The following RUFY1 variants were observed in gnomAD, a reference collection of about 807,000 sequenced individuals.
RUFY1 encodes the protein RUN and FYVE domain containing 1, also known as RUN and FYVE domain-containing protein 1.
RUFY1 carries 54 observed loss-of-function variants against 94.6 expected under a neutral mutation model. The observed-to-expected ratio is 0.57, with a 90% CI of 0.46 to 0.72. The LOEUF (loss-of-function observed/expected upper bound fraction) is 0.72, where lower values mean the gene tolerates loss of function less well. Among genes scored for constraint, RUFY1 ranks in the 30% least tolerant of loss-of-function variants. RUFY1 has a pLI of 0.00. For missense variants in RUFY1, 883 were observed against 883.9 expected (o/e 1.00, Z 0.01); for synonymous variants, 396 against 347.3 (o/e 1.14, Z -1.56).
In RUFY1 at chr5:179,598,838, C is replaced by G; in HGVS notation, c.1761+17C>G. 1.2e-6 allele frequency: 2 copies of G among 1,613,822 alleles called. No individual in the cohort carries two copies. Among genetic ancestry groups the G allele is most frequent in the Non-Finnish European group, 1.7e-6 (2 of 1,179,846 alleles). On this transcript the variant is annotated intron_variant, in intron 14 of 17. Transcript: ENST00000319449. ...CTGAAAAAGGTGAGGTGGGCCATCCCGGGAGAGGAGAGCCTCTGGCAGCCT... is the reference window on the plus strand; with the variant it reads ...CTGAAAAAGGTGAGGTGGGCCATCCGGGGAGAGGAGAGCCTCTGGCAGCCT...
chr5:179,593,761 C>T, intron 11 of RUFY1, 116 bp downstream of exon 11: 1 of 1,437,950 alleles, frequency 7.0e-7, no homozygotes, highest in South Asian at 1.5e-5. Context: ...ATGTGTCAGA[C>T]CTGCTCCTAG....
In RUFY1 at chr5:179,605,907, G is replaced by C; in HGVS notation, c.1888G>C (p.Val630Leu). The change falls in exon 16 of 18, where the codon GTG becomes CTG. Residue 630 changes from valine (V) to leucine (L), a missense_variant. Physicochemically the swap from Val to Leu is conservative, Grantham distance 32. Transcript: ENST00000319449. ...GCTGAAGATGGAAGATATAAAAGAAGTGAACCAGGCACTGAAGGTACTGCC... is the reference window on the plus strand; with the variant it reads ...GCTGAAGATGGAAGATATAAAAGAACTGAACCAGGCACTGAAGGTACTGCC... ...SKLKMEDIKEVNQALKGHAWL... is the reference protein window; with the variant it reads ...SKLKMEDIKELNQALKGHAWL... 1 of 1,609,424 alleles carries C rather than the reference G, an allele frequency of 6.2e-7. No homozygotes were observed. The highest frequency in any genetic ancestry group is 1.3e-5 in the African/African-American group (1 of 74,728).
At chr5:179,572,118 G>A in intron 5 of RUFY1, 1 of 196,212 alleles carries the variant, frequency 5.1e-6, no homozygotes, top group Non-Finnish European at 1.1e-5. Context: ...GCGTCTGGTT[G>A]TCAGTCTGTC....
At chr5:179,553,184 G>A (rs528461817) in intron 1 of RUFY1, among the ~76,000 whole-genome samples, 13 of 152,320 alleles carry the variant, frequency 8.5e-5, no homozygotes, top group South Asian at 2.1e-4. Context: ...CCCAGGCAGC[G>A]TTGGGATTGC....
In RUFY1 at chr5:179,589,543, C is replaced by T; in HGVS notation, c.1027-3C>T. On this transcript the variant is annotated splice_polypyrimidine_tract_variant and splice_region_variant and intron_variant, in intron 8 of 17. Transcript: ENST00000319449. ...AAGAACTGTAAAAATTTTCCTTAAT[C>T]AGCTTTCAGCTGCAACAGACCGAAT... is the stretch of plus-strand genomic sequence containing the variant. 1 of 1,609,968 alleles carries T rather than the reference C, an allele frequency of 6.2e-7. No homozygotes were observed. The highest frequency in any genetic ancestry group is 8.5e-7 in the Non-Finnish European group (1 of 1,176,642).
At chr5:179,568,196 G>C (rs1300436151) in intron 4 of RUFY1, among the ~76,000 whole-genome samples, 1 of 151,946 alleles carries the variant, frequency 6.6e-6, no homozygotes, top group Non-Finnish European at 1.5e-5. Context: ...AGTGAGCCAA[G>C]ATCACACCAC....
chr5:179,598,081 T>G (rs769531360), intron 13 of RUFY1, among the ~76,000 whole-genome samples: 4 of 152,120 alleles, frequency 2.6e-5, no homozygotes, highest in Non-Finnish European at 5.9e-5. Context: ...TCCCAGCTAC[T>G]AGGGAGGCTG....
At chr5:179,569,560 C>G in intron 5 of RUFY1, 135 bp downstream of exon 5, 1 of 861,656 alleles carries the variant, frequency 1.2e-6, no homozygotes, top group East Asian at 2.5e-5. Context: ...AGGGATGCAG[C>G]TGGGGAAGGT....
At chr5:179,561,593 AT>A (rs1457106061) in intron 2 of RUFY1, among the ~76,000 whole-genome samples, 3 of 152,046 alleles carry the variant, frequency 2.0e-5, no homozygotes, top group South Asian at 2.1e-4. Flanking sequence ...ACAAAAAAAA[AT>A]AAATCCTTGA....
In RUFY1 at chr5:179,609,447, C is replaced by T. The variant is rs373507858; in HGVS notation, c.2055C>T (p.Tyr685=). 8.7e-6 allele frequency: 14 copies of T among 1,612,714 alleles called. No individual in the cohort carries two copies. Among genetic ancestry groups the T allele is most frequent in the Non-Finnish European group, 1.2e-5 (14 of 1,179,782 alleles). Residue 685 remains tyrosine, a synonymous_variant, in exon 18 of 18, where the codon TAC becomes TAT. Transcript: ENST00000319449. ...GCAACGAGCTGGCCCTGCCCTCCTACCCCAAGCCGGTGCGAGTGTGCGACA... is the reference window on the plus strand; with the variant it reads ...GCAACGAGCTGGCCCTGCCCTCCTATCCCAAGCCGGTGCGAGTGTGCGACA... ...CSSNELALPS[Y]PKPVRVCDSC...
intron 11 of RUFY1, 27 bp downstream of exon 11, chr5:179,593,672 A>G (rs1040119553): frequency 3.7e-6 from 6 of 1,607,154 alleles, no homozygotes; most frequent in Non-Finnish European, 5.1e-6. Context: ...TGTCCATGGC[A>G]CAGCCTGGTT....
rs1018773139 is a variant in RUFY1, at chr5:179,559,666, C to T, written c.311-359C>T. 54 of 1,026,508 alleles carry T rather than the reference C, an allele frequency of 5.3e-5. 1 individual carries two copies. In the African/African-American group the frequency reaches 9.1e-4, roughly 17 times the overall value. The allele number at this position is 1,026,508 out of a possible 1,614,324, so 63.6% of individuals were successfully genotyped here. On this transcript the variant is annotated intron_variant, in intron 1 of 17. Transcript: ENST00000319449. ...CTCTAAGAGCTTGGGGCAGGGCTTC[C>T]TGTAGGTAGCGCCCTTCCATTGGTC...
chr5:179,607,694 TGA>T, intron 17 of RUFY1, 35 bp downstream of exon 17: 1 of 1,567,084 alleles, frequency 6.4e-7, no homozygotes, highest in Non-Finnish European at 8.8e-7. Context: ...CCCAGTGCCC[TGA>T]GTCGTTGCCC....
intron 17 of RUFY1, chr5:179,608,380 C>G: frequency 6.1e-6 from 6 of 985,574 alleles, no homozygotes; most frequent in Non-Finnish European, 7.2e-6. Flanking sequence ...AGCTAGAAAC[C>G]ACGTCCTGAG....
chr5:179,590,667 T>G (rs533442375), intron 9 of RUFY1, among the ~76,000 whole-genome samples: 14 of 151,870 alleles, frequency 9.2e-5, no homozygotes, highest in Admixed American at 7.9e-4. Flanking sequence ...TTCTATATTT[T>G]TAGTAGAGAC....
At chr5:179,605,685 G>A (rs1269587776) in intron 15 of RUFY1, among the ~76,000 whole-genome samples, 191 bp from the exon 16 acceptor site, 1 of 151,968 alleles carries the variant, frequency 6.6e-6, no homozygotes, top group Non-Finnish European at 1.5e-5. Flanking sequence ...TCAGCCCTCA[G>A]CAGACGGGAG....
intron 12 of RUFY1, 83 bp from the exon 13 acceptor site, chr5:179,596,479 T>A: frequency 1.3e-6 from 2 of 1,551,236 alleles, no homozygotes; most frequent in South Asian, 1.1e-5. Flanking sequence ...ATGGTAATTT[T>A]AAAAATGAAT....
At chr5:179,590,086 G>T (rs983766255) in intron 9 of RUFY1, among the ~76,000 whole-genome samples, 2 of 152,138 alleles carry the variant, frequency 1.3e-5, no homozygotes, top group East Asian at 3.9e-4. Flanking sequence ...GGGCACAGTG[G>T]CTCACACCTG....
intron 9 of RUFY1, 44 bp from the exon 10 acceptor site, chr5:179,591,581 T>G: frequency 8.3e-7 from 1 of 1,205,282 alleles, no homozygotes; most frequent in African/African-American, 1.5e-5. Context: ...TTAGCTTGCT[T>G]TCCATAAGCA....
Sources: allele counts gnomAD v4.1 joint callset (sites outside exome capture counted in the v4.1 genomes callset), GRCh38; gene constraint gnomAD v4.1.1; transcripts MANE v1.5; gene names NCBI Gene and HGNC (gene_info 2026-07-23, HGNC 2026-07-21).